The following CDH18 variants were observed in gnomAD, a reference collection of about 807,000 sequenced individuals.
The protein encoded by CDH18 is cadherin 18, also known as cadherin-18.
A neutral mutation model predicts 67.9 loss-of-function variants in CDH18; 31 were observed. That is an observed-to-expected ratio of 0.46 (90% CI 0.34 to 0.62). The LOEUF (loss-of-function observed/expected upper bound fraction) is 0.62. Among genes scored for constraint, CDH18 ranks in the 20% least tolerant of loss-of-function variants. The pLI, the probability that CDH18 is intolerant of heterozygous loss-of-function variation, is 0.01. For missense variants in CDH18, 890 were observed against 975.5 expected, an observed-to-expected ratio of 0.91 and a Z score of 1.17; for synonymous variants, 362 against 347.2, an observed-to-expected ratio of 1.04 and a Z score of -0.48.
chr5:19,962,378 CAAAAAAA>C (rs3065078), intron 2 of CDH18, among the ~76,000 whole-genome samples: 3 of 51,594 alleles, frequency 5.8e-5, no homozygotes, highest in African/African-American at 1.7e-4. Flanking sequence ...CGTCAAAAAG[CAAAAAAA>C]AAAAAAAAAA....
chr5:20,292,592 C>T (rs1427904987), intron 1 of CDH18, among the ~76,000 whole-genome samples: 1 of 152,166 alleles, frequency 6.6e-6, no homozygotes, highest in Non-Finnish European at 1.5e-5. Flanking sequence ...GTATTCTCCA[C>T]AGTTCTGGAG....
At chr5:20,411,753 C>A (rs1475419017) in intron 1 of CDH18, among the ~76,000 whole-genome samples, 4 of 151,256 alleles carry the variant, frequency 2.6e-5, no homozygotes, top group African/African-American at 9.7e-5. Flanking sequence ...ATTCCTATAA[C>A]TGAATAGTAA....
intron 3 of CDH18, among the ~76,000 whole-genome samples, chr5:19,758,176 T>C (rs746123711): frequency 5.3e-5 from 8 of 152,170 alleles, no homozygotes; most frequent in Non-Finnish European, 1.2e-4. Context: ...TATTTGATGA[T>C]AGAACGCTGC....
intron 1 of CDH18, among the ~76,000 whole-genome samples, chr5:20,284,837 C>T (rs1261583873): frequency 6.6e-6 from 1 of 151,708 alleles, no homozygotes; most frequent in Non-Finnish European, 1.5e-5. Context: ...GTATTTGGGA[C>T]CAATGTATTT....
chr5:20,101,512 A>T (rs578222829), intron 2 of CDH18, among the ~76,000 whole-genome samples: 272 of 152,320 alleles, frequency 1.8e-3, no homozygotes, highest in African/African-American at 6.2e-3. Context: ...TTGAAGATGC[A>T]TAAGAAACGC....
At chr5:19,740,383 T>TA (rs954064110) in intron 4 of CDH18, among the ~76,000 whole-genome samples, 9 of 151,080 alleles carry the variant, frequency 6.0e-5, no homozygotes, top group African/African-American at 7.3e-5. Context: ...TTAAAACATT[T>TA]AAAAAAAAAT....
rs141813746 is a variant in CDH18, at chr5:20,379,966, G to A, written c.-579-124461C>T. On this transcript the variant is annotated intron_variant, in intron 1 of 14. Transcript: ENST00000507958. Reference sequence around the variant, plus strand: ...TAATATGGTGGTACAGTTGCAAAACGTTCCAATATCTGAATTCCATAAAGC... The same window carrying A: ...TAATATGGTGGTACAGTTGCAAAACATTCCAATATCTGAATTCCATAAAGC... Among the ~76,000 whole-genome samples, 14 of 151,868 alleles carry A rather than the reference G, an allele frequency of 9.2e-5. No homozygotes were observed. In the East Asian group the frequency reaches 2.1e-3, roughly 23 times the overall value.
At chr5:20,094,453 T>A (rs973991299) in intron 2 of CDH18, among the ~76,000 whole-genome samples, 1 of 152,210 alleles carries the variant, frequency 6.6e-6, no homozygotes, top group South Asian at 2.1e-4. Flanking sequence ...CAAGCTCTTT[T>A]TTGGTTCCAT....
intron 10 of CDH18, among the ~76,000 whole-genome samples, chr5:19,508,651 T>C (rs1031615949): frequency 6.6e-6 from 1 of 152,100 alleles, no homozygotes; most frequent in African/African-American, 2.4e-5. Flanking sequence ...GTATCCACTT[T>C]TAAAAATATA....
chr5:19,935,254 C>G (rs1794112221), intron 2 of CDH18, among the ~76,000 whole-genome samples: 1 of 151,162 alleles, frequency 6.6e-6, no homozygotes, highest in African/African-American at 2.4e-5. Context: ...TGAGAATTAA[C>G]AGGTTTTGAT....
intron 2 of CDH18, among the ~76,000 whole-genome samples, chr5:19,899,229 G>A (rs150409938): frequency 0.017 from 2,595 of 152,032 alleles, 66 homozygotes; most frequent in African/African-American, 0.058. Flanking sequence ...GAGAAACCCC[G>A]CCTCTACTAA....
chr5:20,333,379 T>C (rs1013434865), intron 1 of CDH18, among the ~76,000 whole-genome samples: 1 of 151,552 alleles, frequency 6.6e-6, no homozygotes, highest in African/African-American at 2.4e-5. Context: ...TGGTGGCGCG[T>C]GCCTGTAATT....
At chr5:20,518,585 GTAGT>G (rs1334213626) in intron 1 of CDH18, among the ~76,000 whole-genome samples, 1 of 152,124 alleles carries the variant, frequency 6.6e-6, no homozygotes, top group Non-Finnish European at 1.5e-5. Flanking sequence ...TAAGCATTTT[GTAGT>G]TAGTTGACAG....
At chr5:19,545,688 T>C (rs1736196028) in intron 8 of CDH18, among the ~76,000 whole-genome samples, 1 of 152,158 alleles carries the variant, frequency 6.6e-6, no homozygotes, top group African/African-American at 2.4e-5. Flanking sequence ...ATTTAATTGA[T>C]AGGCCCCTTT....
At chr5:20,565,300 T>C (rs1418878703) in intron 1 of CDH18, among the ~76,000 whole-genome samples, 1 of 144,020 alleles carries the variant, frequency 6.9e-6, no homozygotes, top group Non-Finnish European at 1.5e-5. Context: ...TTGTTGTTGT[T>C]GTATATACTC....
At chr5:20,056,445 T>C (rs1380968950) in intron 2 of CDH18, among the ~76,000 whole-genome samples, 1 of 148,206 alleles carries the variant, frequency 6.7e-6, no homozygotes, top group Admixed American at 6.7e-5. Context: ...CTCACTTTAT[T>C]TTTTTATTAT....
chr5:19,705,444 T>C (rs1353405941), intron 5 of CDH18, among the ~76,000 whole-genome samples: 1 of 152,150 alleles, frequency 6.6e-6, no homozygotes, highest in Non-Finnish European at 1.5e-5. Flanking sequence ...AGTAATCCAT[T>C]TGCTATCCTT....
intron 2 of CDH18, among the ~76,000 whole-genome samples, chr5:20,045,600 AAT>A (rs1258199072): frequency 2.6e-5 from 4 of 152,102 alleles, no homozygotes; most frequent in African/African-American, 9.6e-5. Context: ...TATATGAAAA[AAT>A]ATGTTACACT....
intron 2 of CDH18, among the ~76,000 whole-genome samples, chr5:19,949,971 T>G (rs1178423800): frequency 1.0e-5 from 1 of 97,492 alleles, no homozygotes; most frequent in African/African-American, 4.2e-5. Flanking sequence ...AAAGAAAATA[T>G]GATATATATA....
Sources: gnomAD v4.1 joint callset for allele counts (sites outside exome capture counted in the v4.1 genomes callset) on GRCh38, gnomAD v4.1.1 for gene constraint, MANE v1.5 for transcripts, NCBI Gene and HGNC (gene_info 2026-07-23, HGNC 2026-07-21) for gene names.